The following GNB4 variants were observed in gnomAD, a reference collection of about 807,000 sequenced individuals.
The protein encoded by GNB4 is G protein subunit beta 4.
A neutral mutation model predicts 45.2 loss-of-function variants in GNB4; 28 were observed. That is an observed-to-expected ratio of 0.62 (90% CI 0.46 to 0.85). The LOEUF (loss-of-function observed/expected upper bound fraction) is 0.85, where lower values mean the gene tolerates loss of function less well. GNB4 is among the 40% of genes least tolerant of loss of function. The pLI is 0.00. For synonymous variants in GNB4, 132 were observed against 143.7 expected, an observed-to-expected ratio of 0.92 and a Z score of 0.58; for missense variants, 321 against 425.4, an observed-to-expected ratio of 0.75 and a Z score of 2.16.
chr3:179,451,061 T>C (rs1324951546), intron 1 of GNB4: 1 of 152,036 alleles, frequency 6.6e-6, no homozygotes, highest in African/African-American at 2.4e-5. Context: ...CCGCCGACCG[T>C]TCCTCGCTCC....
chr3:179,474,233 CT>C, the GNB4 span, among the ~76,000 whole-genome samples: 16 of 148,400 alleles, frequency 1.1e-4, no homozygotes, highest in Admixed American at 2.0e-4. Context: ...GTCACATATT[CT>C]TTTTTTTTTA....
chr3:179,454,321 T>G (rs1487651347), upstream of GNB4, among the ~76,000 whole-genome samples: 1 of 152,214 alleles, frequency 6.6e-6, no homozygotes, highest in African/African-American at 2.4e-5. Flanking sequence ...ACAGAGCACC[T>G]TGCATTTGCT....
At chr3:179,481,042 G>A in the GNB4 span, among the ~76,000 whole-genome samples, 1 of 151,564 alleles carries the variant, frequency 6.6e-6, no homozygotes, top group Non-Finnish European at 1.5e-5. Context: ...TAGTAGAGAC[G>A]GGGTTTCACC....
At chr3:179,486,433 A>C in the GNB4 span, among the ~76,000 whole-genome samples, 1 of 152,106 alleles carries the variant, frequency 6.6e-6, no homozygotes, top group African/African-American at 2.4e-5. Context: ...GGAGCTCTTA[A>C]CCTAGCTTTT....
At chr3:179,490,337 A>C in the GNB4 span, among the ~76,000 whole-genome samples, 1 of 152,210 alleles carries the variant, frequency 6.6e-6, no homozygotes, top group Non-Finnish European at 1.5e-5. Context: ...AGCTTCCTTC[A>C]TAGGATTTCA....
chr3:179,519,816 T>C, the GNB4 span, among the ~76,000 whole-genome samples: 6 of 152,194 alleles, frequency 3.9e-5, no homozygotes, highest in East Asian at 1.9e-4. Flanking sequence ...CCCATTAAAA[T>C]CTAATCACCC....
chr3:179,446,701 A>C (rs1715741033), intron 1 of GNB4, among the ~76,000 whole-genome samples: 1 of 152,184 alleles, frequency 6.6e-6, no homozygotes, highest in Non-Finnish European at 1.5e-5. Context: ...AGGGCATACA[A>C]AAGAAAGGTG....
the GNB4 span, among the ~76,000 whole-genome samples, chr3:179,475,740 G>A: frequency 1.3e-5 from 2 of 152,166 alleles, no homozygotes; most frequent in African/African-American, 4.8e-5. Flanking sequence ...GCAAATTGCT[G>A]GGATTACAGG....
At chr3:179,432,530 A>C (rs1489379045) in intron 1 of GNB4, among the ~76,000 whole-genome samples, 1 of 152,216 alleles carries the variant, frequency 6.6e-6, no homozygotes, top group Middle Eastern at 3.2e-3. Flanking sequence ...ACTAGGGTAA[A>C]AAAAGGCCAT....
intron 8 of GNB4, among the ~76,000 whole-genome samples, chr3:179,409,757 C>T (rs1714589931): frequency 6.6e-6 from 1 of 150,744 alleles, no homozygotes; most frequent in Admixed American, 6.6e-5. Context: ...TTGCAGTGAG[C>T]CGAGATCGCA....
chr3:179,452,855 GTAAC>G (rs1367736757), upstream of GNB4, among the ~76,000 whole-genome samples: 2 of 152,148 alleles, frequency 1.3e-5, no homozygotes, highest in Non-Finnish European at 2.9e-5. Context: ...TTTTGCATCT[GTAAC>G]TATTTATGTT....
At chr3:179,519,843 C>T in the GNB4 span, among the ~76,000 whole-genome samples, 9 of 152,172 alleles carry the variant, frequency 5.9e-5, no homozygotes, top group African/African-American at 2.2e-4. Context: ...TGCTCAATGC[C>T]AATATCCCAT....
At chr3:179,402,870 T>TGAC (rs2108576843) in intron 9 of GNB4, among the ~76,000 whole-genome samples, 1 of 152,254 alleles carries the variant, frequency 6.6e-6, no homozygotes, top group South Asian at 2.1e-4. Context: ...TGCAGTCAGG[T>TGAC]GACAGATCAT....
chr3:179,446,703 A>G (rs868711578), intron 1 of GNB4, among the ~76,000 whole-genome samples: 39 of 152,232 alleles, frequency 2.6e-4, no homozygotes, highest in African/African-American at 8.4e-4. Context: ...GGCATACAAA[A>G]GAAAGGTGAT....
the GNB4 span, chr3:179,464,397 G>A: frequency 2.8e-5 from 34 of 1,234,662 alleles, no homozygotes; most frequent in East Asian, 2.1e-4. Context: ...GCTGCAGCCC[G>A]TGCACAGCTG....
chr3:179,430,073 GACAGACAGAC>G lies in GNB4; in HGVS notation c.-42-3841_-42-3832del, dbSNP rs1343365720. Reference sequence around the variant, plus strand: ...TGTGTGTGTGTGTGACTGAGAGAGAGACAGACAGACAGACAGACAGACAGACAGACAGACA... The same window carrying G: ...TGTGTGTGTGTGTGACTGAGAGAGAGAGACAGACAGACAGACAGACAGACA... On this transcript the variant is annotated intron_variant, in intron 1 of 9. Transcript: ENST00000232564. 4.3e-3 allele frequency among the ~76,000 whole-genome samples: 267 copies of G among 62,318 alleles called. 1 individual carries two copies. The highest frequency in any genetic ancestry group is 0.02 in the Middle Eastern group (3 of 152). 40.9% of individuals were successfully genotyped at this position (62,318 alleles called of 152,430 possible).
chr3:179,467,540 C>T, the GNB4 span, among the ~76,000 whole-genome samples: 1 of 152,126 alleles, frequency 6.6e-6, no homozygotes, highest in African/African-American at 2.4e-5. Flanking sequence ...TGTTAATGAT[C>T]TAGTGTCATT....
intron 1 of GNB4, among the ~76,000 whole-genome samples, chr3:179,432,577 A>G (rs981156828): frequency 3.3e-5 from 5 of 152,232 alleles, no homozygotes; most frequent in African/African-American, 1.2e-4. Flanking sequence ...GGCAAGTCCT[A>G]GTAAATATGT....
chr3:179,450,537 AGAAAGAT>A (rs1232295704), intron 1 of GNB4, among the ~76,000 whole-genome samples: 1 of 152,202 alleles, frequency 6.6e-6, no homozygotes, highest in Non-Finnish European at 1.5e-5. Flanking sequence ...GCTGAGAGGG[AGAAAGAT>A]GCATCCTTAT....
Sources: allele counts gnomAD v4.1 joint callset (sites outside exome capture counted in the v4.1 genomes callset), GRCh38; gene constraint gnomAD v4.1.1; transcripts MANE v1.5; gene names NCBI Gene and HGNC (gene_info 2026-07-23, HGNC 2026-07-21).